The following TSPAN7 variants were observed in gnomAD, a reference collection of about 807,000 sequenced individuals.
TSPAN7 encodes the protein tetraspanin 7, also known as tetraspanin-7.
Under a neutral mutation model 17.6 loss-of-function variants are expected in TSPAN7, and 1 was observed. The ratio of observed to expected loss-of-function variants is 0.06; its 90% confidence interval spans 0.02 to 0.27. The LOEUF is 0.27. Ranked by LOEUF, TSPAN7 falls within the 10% of genes least tolerant of loss-of-function variation. The probability of loss-of-function intolerance (pLI) is 1.00; values close to 1 mark genes in which losing one functional copy is unlikely to be tolerated. For missense variants in TSPAN7, 112 were observed against 201.7 expected, an observed-to-expected ratio of 0.56 and a Z score of 2.69; for synonymous variants, 78 against 79.0, an observed-to-expected ratio of 0.99 and a Z score of 0.07.
At chrX:38,628,626 A>G (rs2069534999) in intron 1 of TSPAN7, among the ~76,000 whole-genome samples, 1 of 111,720 alleles carries the variant, frequency 9.0e-6, no homozygotes. Flanking sequence ...TTGAATGTCA[A>G]AGCTCCTTAT....
intron 1 of TSPAN7, among the ~76,000 whole-genome samples, chrX:38,604,518 A>T (rs1408449602): frequency 9.0e-6 from 1 of 111,013 alleles, no homozygotes; most frequent in African/African-American, 3.3e-5. Flanking sequence ...ATTTCTCCAC[A>T]TCCTCTCTAG....
intron 1 of TSPAN7, among the ~76,000 whole-genome samples, chrX:38,602,481 C>T (rs1485986229): frequency 9.0e-6 from 1 of 110,946 alleles, no homozygotes; most frequent in Non-Finnish European, 1.9e-5. Flanking sequence ...ACAAGAAAGA[C>T]AAATATGCCA....
chrX:38,651,472 A>G (rs1250904167), intron 1 of TSPAN7, among the ~76,000 whole-genome samples: 2 of 111,986 alleles, frequency 1.8e-5, no homozygotes, highest in Non-Finnish European at 3.8e-5. Context: ...CCCCCCAAAA[A>G]GAAGTCAGTC....
chrX:38,618,064 G>T lies in TSPAN7; in HGVS notation c.82-48057G>T, dbSNP rs186128590. Among the ~76,000 whole-genome samples, 122 of 111,909 alleles carry T rather than the reference G, an allele frequency of 1.1e-3. 1 individual carries two copies. The highest frequency in any genetic ancestry group is 3.8e-3 in the African/African-American group (116 of 30,806). On this transcript the variant is annotated intron_variant, in intron 1 of 7. Coordinates refer to ENST00000378482, the MANE Select transcript of TSPAN7 (RefSeq NM_004615.4). Reference sequence around the variant, plus strand: ...CGTTGGTGCAGTGAACATCAGGAAGGTGGAGGAAGGAAGATGGAGAGAATC... The same window carrying T: ...CGTTGGTGCAGTGAACATCAGGAAGTTGGAGGAAGGAAGATGGAGAGAATC...
chrX:38,562,809 C>T, intron 1 of TSPAN7: 1 of 271,837 alleles, frequency 3.7e-6, no homozygotes, highest in South Asian at 4.8e-5. Context: ...CGACCCTCTT[C>T]CCCCCTTGTC....
chrX:38,645,731 A>G (rs181922781), intron 1 of TSPAN7, among the ~76,000 whole-genome samples: 4 of 112,099 alleles, frequency 3.6e-5, no homozygotes, highest in African/African-American at 1.3e-4. Flanking sequence ...AGAATGAAAG[A>G]TTCTCTCAGG....
intron 1 of TSPAN7, chrX:38,563,151 C>A (rs1446004893): frequency 1.0e-6 from 1 of 956,678 alleles, no homozygotes; most frequent in African/African-American, 2.0e-5. Flanking sequence ...TATGGACTCC[C>A]CAGACCACAC....
chrX:38,651,188 G>C (rs1021468375), intron 1 of TSPAN7, among the ~76,000 whole-genome samples: 1 of 110,855 alleles, frequency 9.0e-6, no homozygotes, highest in Non-Finnish European at 1.9e-5. Context: ...AGTAATGGCC[G>C]GATGCGGTGG....
intron 1 of TSPAN7, among the ~76,000 whole-genome samples, chrX:38,623,822 G>T (rs753691514): frequency 6.9e-4 from 74 of 108,023 alleles, no homozygotes; most frequent in African/African-American, 2.5e-3. Flanking sequence ...AACCAGTTCT[G>T]CCCACAGCTG....
At chrX:38,569,928 A>G (rs777879201) in intron 1 of TSPAN7, among the ~76,000 whole-genome samples, 42 of 112,072 alleles carry the variant, frequency 3.7e-4, no homozygotes, top group African/African-American at 1.3e-3. Context: ...GGCTATTCTA[A>G]TAAATATTGG....
intron 1 of TSPAN7, among the ~76,000 whole-genome samples, chrX:38,617,273 G>A (rs2069460650): frequency 8.9e-6 from 1 of 112,591 alleles, no homozygotes; most frequent in African/African-American, 3.2e-5. Flanking sequence ...TACAGATAAG[G>A]ATGAACATGT....
At chrX:38,654,690 C>G (rs746284996) in intron 1 of TSPAN7, among the ~76,000 whole-genome samples, 2 of 103,678 alleles carry the variant, frequency 1.9e-5, no homozygotes, top group Non-Finnish European at 3.9e-5. Flanking sequence ...TCCTGTGAGC[C>G]GGCATTTGTA....
intron 6 of TSPAN7, among the ~76,000 whole-genome samples, chrX:38,684,397 A>G (rs1157600261): frequency 9.0e-6 from 1 of 111,331 alleles, no homozygotes; most frequent in African/African-American, 3.3e-5. Flanking sequence ...CTATAAATTT[A>G]TAGCAGAAGG....
chrX:38,664,586 C>T (rs180703210), intron 1 of TSPAN7, among the ~76,000 whole-genome samples: 27 of 112,383 alleles, frequency 2.4e-4, no homozygotes, highest in Non-Finnish European at 4.5e-4. Context: ...TTTTGAAAGG[C>T]AGTCAACCTC....
chrX:38,671,467 T>C lies in TSPAN7; in HGVS notation c.345+17T>C. The C allele has an allele frequency of 8.3e-7, 1 of 1,202,464 alleles. No homozygotes were observed. The highest frequency in any genetic ancestry group is 1.1e-6 in the Non-Finnish European group (1 of 886,948). On this transcript the variant is annotated intron_variant, in intron 3 of 7. Transcript: ENST00000378482. Reference sequence around the variant, plus strand: ...CGTCATGAGGTGAGTATACACAAAATGCAGAACTCAGTTAAGGGGTGTTTG... The same window carrying C: ...CGTCATGAGGTGAGTATACACAAAACGCAGAACTCAGTTAAGGGGTGTTTG...
intron 3 of TSPAN7, among the ~76,000 whole-genome samples, chrX:38,672,612 A>T (rs1003137932): frequency 9.0e-6 from 1 of 111,542 alleles, no homozygotes; most frequent in African/African-American, 3.3e-5. Flanking sequence ...TCGTGCATGT[A>T]TGAACACCAG....
At chrX:38,606,112 G>A (rs2069380822) in intron 1 of TSPAN7, among the ~76,000 whole-genome samples, 1 of 108,154 alleles carries the variant, frequency 9.2e-6, no homozygotes, top group South Asian at 4.2e-4. Flanking sequence ...ACTACCATCA[G>A]AGTGAACAGG....
chrX:38,685,807 C>T (rs1370660112), intron 6 of TSPAN7, among the ~76,000 whole-genome samples: 1 of 111,991 alleles, frequency 8.9e-6, no homozygotes, highest in Non-Finnish European at 1.9e-5. Context: ...GGGTTATATG[C>T]AAATATTACA....
intron 1 of TSPAN7, among the ~76,000 whole-genome samples, chrX:38,644,519 CAG>C (rs2069633867): frequency 9.0e-6 from 1 of 111,721 alleles, no homozygotes; most frequent in African/African-American, 3.3e-5. Flanking sequence ...CCTTGTTCCC[CAG>C]AGACTCTTTT....
Sources: gnomAD v4.1 joint callset for allele counts (sites outside exome capture counted in the v4.1 genomes callset) on GRCh38, gnomAD v4.1.1 for gene constraint, MANE v1.5 for transcripts, NCBI Gene and HGNC (gene_info 2026-07-23, HGNC 2026-07-21) for gene names.